Variants in EMCN observed in about 807,000 individuals in gnomAD.
The protein encoded by EMCN is endomucin, also known as MUC-14.
EMCN carries 37 observed loss-of-function variants against 38.4 expected under a neutral mutation model. That is an observed-to-expected ratio of 0.96 (90% CI 0.74 to 1.27). EMCN has a LOEUF of 1.27. Ranked by LOEUF, EMCN falls within the 50% of genes most tolerant of loss-of-function variation. The probability of loss-of-function intolerance (pLI) is 0.00; values close to 1 mark genes in which losing one functional copy is unlikely to be tolerated. For synonymous variants in EMCN, 95 were observed against 100.8 expected (o/e 0.94, Z 0.35); for missense variants, 318 against 302.8 (o/e 1.05, Z -0.37).
At chr4:100,427,794 A>G (rs1247924240) in intron 5 of EMCN, among the ~76,000 whole-genome samples, 2 of 152,116 alleles carry the variant, frequency 1.3e-5, no homozygotes, top group Non-Finnish European at 2.9e-5. Context: ...TTAGCAAGTA[A>G]TAGACATTTT....
At chr4:100,411,357 G>A (rs1304098656) in intron 10 of EMCN, among the ~76,000 whole-genome samples, 1 of 152,224 alleles carries the variant, frequency 6.6e-6, no homozygotes, top group Non-Finnish European at 1.5e-5. Flanking sequence ...CCACGGCTAT[G>A]AAGTACTGGA....
intron 10 of EMCN, among the ~76,000 whole-genome samples, chr4:100,412,044 A>G (rs960004663): frequency 3.3e-5 from 5 of 152,052 alleles, no homozygotes; most frequent in African/African-American, 9.7e-5. Context: ...TAGCATACCA[A>G]TTAGTTAGTT....
chr4:100,448,874 T>C (rs929358279), intron 4 of EMCN, among the ~76,000 whole-genome samples: 3 of 145,056 alleles, frequency 2.1e-5, no homozygotes, highest in African/African-American at 7.8e-5. Context: ...CTTGCTTGCT[T>C]TCTGACTCTG....
intron 5 of EMCN, among the ~76,000 whole-genome samples, chr4:100,441,787 C>T (rs1362770696): frequency 6.6e-6 from 1 of 152,124 alleles, no homozygotes; most frequent in Non-Finnish European, 1.5e-5. Context: ...TACCTTTCCC[C>T]TCACAATTTG....
chr4:100,426,713 G>A (rs1727054188), intron 5 of EMCN, among the ~76,000 whole-genome samples: 1 of 152,118 alleles, frequency 6.6e-6, no homozygotes, highest in Admixed American at 6.6e-5. Context: ...TGGTTCATAA[G>A]GGAAATATCT....
At chr4:100,471,192 C>G (rs1384263487) in intron 3 of EMCN, among the ~76,000 whole-genome samples, 1 of 151,712 alleles carries the variant, frequency 6.6e-6, no homozygotes, top group Non-Finnish European at 1.5e-5. Flanking sequence ...AATTGAGACA[C>G]TTTTGGCTAT....
intron 5 of EMCN, among the ~76,000 whole-genome samples, chr4:100,426,750 T>C (rs1727055586): frequency 6.6e-6 from 1 of 152,072 alleles, no homozygotes; most frequent in South Asian, 2.1e-4. Flanking sequence ...TATTTTCCAT[T>C]TTTTTTGGGA....
intron 8 of EMCN, among the ~76,000 whole-genome samples, chr4:100,420,479 G>A (rs1224347648): frequency 2.0e-5 from 3 of 151,942 alleles, no homozygotes; most frequent in African/African-American, 4.8e-5. Context: ...TACATTATAC[G>A]ACCAGGGCTG....
intron 1 of EMCN, among the ~76,000 whole-genome samples, chr4:100,483,204 T>C (rs562803966): frequency 2.0e-5 from 3 of 152,138 alleles, no homozygotes; most frequent in Non-Finnish European, 2.9e-5. Context: ...CATATTCTTA[T>C]GATCATCATT....
intron 9 of EMCN, among the ~76,000 whole-genome samples, chr4:100,416,865 C>T (rs1239896897): frequency 6.6e-6 from 1 of 151,954 alleles, no homozygotes; most frequent in Non-Finnish European, 1.5e-5. Context: ...ATGATATTTT[C>T]CCTCATAATT....
intron 5 of EMCN, among the ~76,000 whole-genome samples, chr4:100,428,904 G>T (rs761427762): frequency 1.3e-4 from 20 of 152,224 alleles, no homozygotes; most frequent in Non-Finnish European, 2.6e-4. Flanking sequence ...AAAATTGATA[G>T]ATGTGAAACA....
chr4:100,408,616 T>G (rs1222677215), intron 11 of EMCN, among the ~76,000 whole-genome samples: 1 of 152,074 alleles, frequency 6.6e-6, no homozygotes, highest in African/African-American at 2.4e-5. Context: ...GTAGCCATGC[T>G]TCCCCTCAGT....
intron 4 of EMCN, among the ~76,000 whole-genome samples, chr4:100,454,139 G>A (rs1288367171): frequency 6.7e-6 from 1 of 150,290 alleles, no homozygotes; most frequent in African/African-American, 2.5e-5. Context: ...AAACCTGCAA[G>A]TTGTGCACAT....
At chr4:100,511,556 C>A (rs796841184) in intron 1 of EMCN, among the ~76,000 whole-genome samples, 5 of 152,254 alleles carry the variant, frequency 3.3e-5, no homozygotes, top group African/African-American at 1.2e-4. Context: ...CAGTATAATT[C>A]ATTACTGCAA....
chr4:100,486,983 A>G, intron 1 of EMCN: 2 of 985,182 alleles, frequency 2.0e-6, no homozygotes, highest in Non-Finnish European at 2.4e-6. Context: ...TAGTATAAGG[A>G]GTCATTTTAT....
chr4:100,454,308 C>A (rs1727944080), intron 4 of EMCN, among the ~76,000 whole-genome samples: 1 of 150,844 alleles, frequency 6.6e-6, no homozygotes, highest in South Asian at 2.1e-4. Context: ...TACACTCAAT[C>A]CCTCCACAGT....
chr4:100,401,334 T>C (rs1025905598), intron 11 of EMCN, among the ~76,000 whole-genome samples: 10 of 152,200 alleles, frequency 6.6e-5, no homozygotes, highest in South Asian at 2.1e-4. Context: ...ACTATTTATA[T>C]AGCATTTACC....
intron 1 of EMCN, among the ~76,000 whole-genome samples, chr4:100,515,371 T>C (rs1007057902): frequency 1.3e-5 from 2 of 152,076 alleles, no homozygotes; most frequent in Admixed American, 6.6e-5. Flanking sequence ...TCAGAAACCT[T>C]CCATACACAT....
intron 8 of EMCN, among the ~76,000 whole-genome samples, chr4:100,420,080 GGAA>G (rs1252494248): frequency 1.3e-5 from 2 of 151,964 alleles, no homozygotes; most frequent in Non-Finnish European, 2.9e-5. Flanking sequence ...ATTAAAGTGG[GGAA>G]GAAGAATTCT....
Sources: gnomAD v4.1 joint callset for allele counts (sites outside exome capture counted in the v4.1 genomes callset) on GRCh38, gnomAD v4.1.1 for gene constraint, MANE v1.5 for transcripts, NCBI Gene and HGNC (gene_info 2026-07-23, HGNC 2026-07-21) for gene names.